Variants in FGFR2 observed in about 807,000 individuals in gnomAD.
FGFR2 encodes fibroblast growth factor receptor 2, also known as BEK fibroblast growth factor receptor.
A neutral mutation model predicts 95.9 loss-of-function variants in FGFR2; 19 were observed. The ratio of observed to expected loss-of-function variants is 0.20; its 90% CI spans 0.14 to 0.29. The LOEUF (loss-of-function observed/expected upper bound fraction) is 0.29, where lower values mean the gene tolerates loss of function less well. Ranked by LOEUF, FGFR2 falls within the 10% of genes least tolerant of loss-of-function variation. FGFR2 has a pLI of 1.00. For synonymous variants in FGFR2, 392 were observed against 393.3 expected (o/e 1.00, Z 0.04); for missense variants, 707 against 1,056.9 (o/e 0.67, Z 4.59).
In FGFR2 at chr10:121,490,443, C is replaced by T. The variant is rs148218100; in HGVS notation, c.1864-2330G>A. ...CCTCCCAAAGTACTGGGATTATAGG[C>T]GTGAGCCACCACGCCCGGCCTATGA... is the stretch of plus-strand genomic sequence containing the variant. On this transcript the variant is annotated intron_variant, in intron 13 of 17. Transcript: ENST00000358487. Among the ~76,000 whole-genome samples, 7 of 152,262 alleles carry T rather than the reference C, an allele frequency of 4.6e-5. No homozygotes were observed. In the East Asian group the frequency reaches 5.8e-4, roughly 13 times the overall value.
At chr10:121,489,399 C>T (rs891553154) in intron 13 of FGFR2, among the ~76,000 whole-genome samples, 3 of 152,114 alleles carry the variant, frequency 2.0e-5, no homozygotes, top group African/African-American at 7.2e-5. Context: ...ATCCCGTCCC[C>T]TTCCCTCAGC....
intron 13 of FGFR2, among the ~76,000 whole-genome samples, chr10:121,493,518 C>T (rs1402245971): frequency 6.6e-5 from 10 of 152,170 alleles, no homozygotes; most frequent in Admixed American, 6.5e-4. Context: ...CCATGTGGGG[C>T]CTCTGTGCTC....
intron 6 of FGFR2, among the ~76,000 whole-genome samples, chr10:121,521,074 CCATT>C (rs1194103141): frequency 2.0e-5 from 3 of 152,342 alleles, no homozygotes; most frequent in Middle Eastern, 3.4e-3. Flanking sequence ...GGAATTCACT[CCATT>C]CATTCATTCT....
At chr10:121,548,746 A>G (rs889727231) in intron 5 of FGFR2, among the ~76,000 whole-genome samples, 14 of 152,314 alleles carry the variant, frequency 9.2e-5, no homozygotes, top group African/African-American at 3.4e-4. Flanking sequence ...CTCAGATTGT[A>G]TTTAAATAAA....
chr10:121,564,933 C>T lies in FGFR2; in HGVS notation c.377-354G>A, dbSNP rs369732704. Among the ~76,000 whole-genome samples, 71 of 152,244 alleles carry T rather than the reference C, an allele frequency of 4.7e-4. No individual in the cohort carries two copies. The South Asian group carries it at 9.8e-3, about 21-fold the overall frequency. On this transcript the variant is annotated intron_variant, in intron 3 of 17. Coordinates refer to ENST00000358487, the MANE Select transcript of FGFR2 (RefSeq NM_000141.5). Reference sequence around the variant, plus strand: ...TTTCCAACATTAACCTTTCAGTATGCGGGGTCTCCTTGAAGAAAGAAATTG... The same window carrying T: ...TTTCCAACATTAACCTTTCAGTATGTGGGGTCTCCTTGAAGAAAGAAATTG...
intron 5 of FGFR2, among the ~76,000 whole-genome samples, chr10:121,550,192 A>G (rs900885346): frequency 3.3e-5 from 5 of 152,054 alleles, no homozygotes; most frequent in Non-Finnish European, 4.4e-5. Context: ...CGCCAATCCA[A>G]TATCACCTTT....
intron 2 of FGFR2, among the ~76,000 whole-genome samples, chr10:121,591,079 G>A (rs981563587): frequency 6.6e-6 from 1 of 152,052 alleles, no homozygotes; most frequent in African/African-American, 2.4e-5. Context: ...ATTTTCAGCT[G>A]TTAAAAACTC....
intron 5 of FGFR2, among the ~76,000 whole-genome samples, chr10:121,543,009 C>T (rs1853991526): frequency 6.6e-6 from 1 of 152,176 alleles, no homozygotes; most frequent in African/African-American, 2.4e-5. Context: ...GCAGAATAAA[C>T]ATGCAGAAGG....
chr10:121,547,717 G>A (rs533686936), intron 5 of FGFR2, among the ~76,000 whole-genome samples: 2 of 152,232 alleles, frequency 1.3e-5, no homozygotes, highest in Admixed American at 1.3e-4. Context: ...TTAAGTCTAC[G>A]TAGGTAACGA....
At position 121,517,315 on chromosome 10, in the gene FGFR2, A is replaced by G. The variant is rs1400417187; in HGVS notation, c.1084+4T>C. On this transcript the variant is annotated splice_donor_region_variant and intron_variant, in intron 8 of 17. Coordinates refer to ENST00000358487, the MANE Select transcript of FGFR2 (RefSeq NM_000141.5). This position sits in a 1 kb window ranked among gnomAD's most constrained non-coding sequence, Gnocchi z 4.7. Reference sequence around the variant, plus strand: ...AAAACCCAGAGAGAAAGAACAGTATATACCTGGCAGAACTGTCAACCATGC... The same window carrying G: ...AAAACCCAGAGAGAAAGAACAGTATGTACCTGGCAGAACTGTCAACCATGC... 1 of 1,614,206 alleles carries G rather than the reference A, an allele frequency of 6.2e-7. No individual in the cohort carries two copies. The highest frequency in any genetic ancestry group is 1.1e-5 in the South Asian group (1 of 91,082).
chr10:121,514,219 C>G (rs1239232771), intron 9 of FGFR2, among the ~76,000 whole-genome samples: 1 of 152,158 alleles, frequency 6.6e-6, no homozygotes, highest in East Asian at 1.9e-4. Context: ...CAAAAGAAAC[C>G]TTTATCAGAA....
At chr10:121,497,426 T>C (rs181115054) in intron 12 of FGFR2, among the ~76,000 whole-genome samples, 2 of 152,356 alleles carry the variant, frequency 1.3e-5, no homozygotes, top group East Asian at 1.9e-4. Context: ...TCTTAGATCT[T>C]TGCAACATTT....
intron 4 of FGFR2, 81 bp downstream of exon 4, chr10:121,564,421 G>C (rs766818649): frequency 2.5e-5 from 32 of 1,301,430 alleles, no homozygotes; most frequent in Non-Finnish European, 3.2e-5. Context: ...GCGCAGAAGA[G>C]TCGACAAGAA....
At chr10:121,506,732 T>C (rs1848343527) in intron 9 of FGFR2, among the ~76,000 whole-genome samples, 1 of 152,142 alleles carries the variant, frequency 6.6e-6, no homozygotes, top group African/African-American at 2.4e-5. Flanking sequence ...TAAACGTTTC[T>C]GGAAGGATAT....
At chr10:121,535,932 C>T (rs1852762401) in intron 6 of FGFR2, among the ~76,000 whole-genome samples, 1 of 152,210 alleles carries the variant, frequency 6.6e-6, no homozygotes, top group Admixed American at 6.5e-5. Context: ...CTTGATGCTT[C>T]ATAATATCTG....
chr10:121,529,870 AG>A, intron 6 of FGFR2, among the ~76,000 whole-genome samples: 1 of 152,184 alleles, frequency 6.6e-6, no homozygotes, highest in East Asian at 1.9e-4. Context: ...ACGTGCTTCA[AG>A]GATAGAGAAT....
rs985810586 is a variant in FGFR2 at position 121,563,011 on chromosome 10, G to A, written c.454+1491C>T. 5.3e-5 allele frequency among the ~76,000 whole-genome samples: 8 copies of A among 152,222 alleles called. 1 individual carries two copies. In the East Asian group the frequency reaches 1.2e-3, roughly 22 times the overall value. On this transcript the variant is annotated intron_variant, in intron 4 of 17. Transcript: ENST00000358487. ...TCCCAGCACTTCAGGAGGCTGAGGC[G>A]GGTGGATCACTTGAGGTCAGGAGTT...
intron 13 of FGFR2, among the ~76,000 whole-genome samples, chr10:121,491,065 C>G (rs112088989): frequency 2.6e-5 from 4 of 152,244 alleles, no homozygotes; most frequent in African/African-American, 4.8e-5. Context: ...GACACGCGCT[C>G]TGTGTGTCTG....
intron 6 of FGFR2, among the ~76,000 whole-genome samples, chr10:121,533,741 T>C (rs1034749229): frequency 6.6e-6 from 1 of 152,122 alleles, no homozygotes; most frequent in Non-Finnish European, 1.5e-5. Flanking sequence ...ACAGTGAACA[T>C]CAAATGAAGA....
Sources: gnomAD v4.1 joint callset for allele counts (sites outside exome capture counted in the v4.1 genomes callset) on GRCh38, gnomAD v4.1.1 for gene constraint, Gnocchi (gnomAD v3.1) non-coding constraint, MANE v1.5 for transcripts, NCBI Gene and HGNC (gene_info 2026-07-23, HGNC 2026-07-21) for gene names.